ATP2B1: variants seen among roughly 807,000 people sequenced by gnomAD.
ATP2B1 encodes the protein ATPase plasma membrane Ca2+ transporting 1.
ATP2B1 carries 14 observed loss-of-function variants against 124.2 expected under a neutral mutation model. That is an observed-to-expected ratio of 0.11 (90% confidence interval 0.07 to 0.18). ATP2B1 has a LOEUF of 0.18. Among genes scored for constraint, ATP2B1 ranks in the 10% least tolerant of loss-of-function variants. The pLI is 1.00. For synonymous variants in ATP2B1, 449 were observed against 492.4 expected (o/e 0.91, Z 1.17); for missense variants, 763 against 1,466.1 (o/e 0.52, Z 7.83).
chr12:89,690,360 T>G (rs1890423706), intron 1 of ATP2B1, among the ~76,000 whole-genome samples: 1 of 151,146 alleles, frequency 6.6e-6, no homozygotes, highest in Admixed American at 6.6e-5. Flanking sequence ...TCATTAAGAG[T>G]AATTCTGTAT....
intron 1 of ATP2B1, among the ~76,000 whole-genome samples, chr12:89,688,695 A>G (rs1890226682): frequency 2.0e-5 from 3 of 152,008 alleles, no homozygotes; most frequent in African/African-American, 7.2e-5. Flanking sequence ...AACAGGCACT[A>G]AGGTGGGAGT....
At chr12:89,687,486 A>T (rs552187156) in intron 1 of ATP2B1, among the ~76,000 whole-genome samples, 2 of 152,152 alleles carry the variant, frequency 1.3e-5, no homozygotes, top group African/African-American at 4.8e-5. Context: ...CATATTTTAC[A>T]TGAGGTACTT....
intron 1 of ATP2B1, among the ~76,000 whole-genome samples, chr12:89,687,383 C>G (rs529784307): frequency 6.6e-6 from 1 of 152,234 alleles, no homozygotes; most frequent in East Asian, 1.9e-4. Flanking sequence ...GCTATACCAT[C>G]TAGGTTTGTG....
intron 2 of ATP2B1, among the ~76,000 whole-genome samples, chr12:89,648,470 G>C (rs967725289): frequency 6.6e-6 from 1 of 152,204 alleles, no homozygotes; most frequent in Non-Finnish European, 1.5e-5. Flanking sequence ...TCTAGCACAA[G>C]ACGGTTCTCA....
intron 2 of ATP2B1, 135 bp downstream of exon 2, chr12:89,655,540 ATAAC>A (rs745597876): frequency 2.6e-4 from 199 of 777,956 alleles, no homozygotes; most frequent in Middle Eastern, 1.9e-3. Flanking sequence ...TATTAATCTG[ATAAC>A]TAACCCATTT....
chr12:89,689,760 C>A (rs2136714140), intron 1 of ATP2B1, among the ~76,000 whole-genome samples: 1 of 152,240 alleles, frequency 6.6e-6, no homozygotes, highest in Middle Eastern at 3.4e-3. Context: ...TTTGTATCCT[C>A]ACCTTCATCT....
In ATP2B1 at chr12:89,599,137, G is replaced by A. The variant is rs1339656080; in HGVS notation, c.3331C>T (p.Leu1111=). The A allele has an allele frequency of 6.2e-7, 1 of 1,614,016 alleles. No individual in the cohort carries two copies. Among genetic ancestry groups the A allele is most frequent in the Non-Finnish European group, 8.5e-7 (1 of 1,179,948 alleles). The change falls in exon 20 of 21, where the codon CTG becomes TTG. Residue 1111 remains leucine, a synonymous_variant. Transcript: ENST00000428670. ...RRGQILWFRG[L]NRIQTQIRVV... ...CATACCTGTGTTTGGATTCTGTTCA[G>A]ACCTCTAAACCACAAGATTTGGCCA...
At chr12:89,596,918 A>G (rs1173110069) in intron 20 of ATP2B1, among the ~76,000 whole-genome samples, 1 of 152,102 alleles carries the variant, frequency 6.6e-6, no homozygotes, top group African/African-American at 2.4e-5. Context: ...ACCAGATTAT[A>G]ATCACTGAGG....
At chr12:89,674,711 A>G (rs1176486484) in intron 1 of ATP2B1, among the ~76,000 whole-genome samples, 1 of 152,172 alleles carries the variant, frequency 6.6e-6, no homozygotes, top group Non-Finnish European at 1.5e-5. Context: ...GCAGGTTAAG[A>G]AATTTGTCCA....
At chr12:89,614,933 T>C (rs951703237) in intron 12 of ATP2B1, among the ~76,000 whole-genome samples, 4 of 152,152 alleles carry the variant, frequency 2.6e-5, no homozygotes, top group African/African-American at 9.7e-5. Context: ...GCTTCTACTC[T>C]TCTTCATCTC....
chr12:89,616,108 C>T (rs1311530395), intron 12 of ATP2B1, among the ~76,000 whole-genome samples: 10 of 152,190 alleles, frequency 6.6e-5, no homozygotes, highest in East Asian at 3.9e-4. Flanking sequence ...GCAATAATCA[C>T]GTGTTTGGTT....
At chr12:89,701,959 T>C (rs541045992) in intron 1 of ATP2B1, among the ~76,000 whole-genome samples, 1 of 152,170 alleles carries the variant, frequency 6.6e-6, no homozygotes, top group Admixed American at 6.5e-5. Context: ...AATACTACAG[T>C]ATGCAACACA....
At chr12:89,621,837 CA>C in intron 9 of ATP2B1, 46 bp from the exon 10 acceptor site, 1 of 1,447,698 alleles carries the variant, frequency 6.9e-7, no homozygotes. Context: ...CATATAAAAC[CA>C]ATCACCTCAT....
At chr12:89,684,805 A>C (rs569483607) in intron 1 of ATP2B1, among the ~76,000 whole-genome samples, 25 of 152,180 alleles carry the variant, frequency 1.6e-4, no homozygotes, top group African/African-American at 4.8e-4. Flanking sequence ...ACCCATATTA[A>C]TCTAAACAGG....
intron 3 of ATP2B1, among the ~76,000 whole-genome samples, chr12:89,637,733 T>C (rs1002980824): frequency 2.6e-5 from 4 of 152,142 alleles, no homozygotes; most frequent in African/African-American, 7.2e-5. Context: ...TTTTTCTATA[T>C]GCTGAAAATA....
Position 89,643,164 on chromosome 12 carries a change from G to A in ATP2B1, c.209-809C>T, listed in dbSNP as rs552169958. On this transcript the variant is annotated intron_variant, in intron 2 of 20. Transcript: ENST00000428670. ...TACACGTGTATATGTATATATGTAT[G>A]TATGTATATATGTATATGTATGTAT... Among the ~76,000 whole-genome samples the A allele has an allele frequency of 4.0e-5, 6 of 149,426 alleles. No homozygotes were observed. In the East Asian group the frequency reaches 1.2e-3, roughly 29 times the overall value.
chr12:89,617,637 G>A (rs2136056331), intron 11 of ATP2B1, among the ~76,000 whole-genome samples: 1 of 152,164 alleles, frequency 6.6e-6, no homozygotes, highest in Admixed American at 6.5e-5. Flanking sequence ...CCTATTTAAA[G>A]TTTGTTTTTC....
At chr12:89,621,937 A>AT in intron 9 of ATP2B1, 146 bp from the exon 10 acceptor site, 2 of 873,664 alleles carry the variant, frequency 2.3e-6, no homozygotes, top group Non-Finnish European at 3.1e-6. Flanking sequence ...GTAATACTGA[A>AT]ATTTTTTTTT....
chr12:89,606,777 T>C (rs1356594209), intron 15 of ATP2B1, among the ~76,000 whole-genome samples: 3 of 151,968 alleles, frequency 2.0e-5, no homozygotes, highest in Non-Finnish European at 2.9e-5. Flanking sequence ...TAATATACCA[T>C]GTTGGCGAGA....
Sources: allele counts gnomAD v4.1 joint callset (sites outside exome capture counted in the v4.1 genomes callset), GRCh38; gene constraint gnomAD v4.1.1; transcripts MANE v1.5; gene names NCBI Gene and HGNC (gene_info 2026-07-23, HGNC 2026-07-21).